The following FANK1 variants were observed in gnomAD, a reference collection of about 807,000 sequenced individuals.
FANK1 encodes fibronectin type 3 and ankyrin repeat domains protein 1.
FANK1 carries 44 observed loss-of-function variants against 45.3 expected under a neutral mutation model. That is an observed-to-expected ratio of 0.97 (90% CI 0.76 to 1.25). The LOEUF (loss-of-function observed/expected upper bound fraction) is 1.25, where lower values mean the gene tolerates loss of function less well. Among genes scored for constraint, FANK1 ranks in the 50% most tolerant of loss-of-function variants. FANK1 has a pLI of 0.00. For synonymous variants in FANK1, 149 were observed against 152.5 expected (o/e 0.98, Z 0.17); for missense variants, 391 against 424.4 (o/e 0.92, Z 0.69).
intron 6 of FANK1, among the ~76,000 whole-genome samples, chr10:125,998,696 AAAG>A (rs1322354794): frequency 3.3e-5 from 5 of 152,218 alleles, no homozygotes; most frequent in Non-Finnish European, 5.9e-5. Context: ...GTAAACATGA[AAAG>A]AAGTTTGTGT....
chr10:126,008,555 G>A lies in FANK1; in HGVS notation c.849+5G>A, dbSNP rs1291800053. ...AATGGAAAGACGCCCCTTATGGTAG[G>A]TCCTCCTCCCGAAAATAGGCAGTTT... On this transcript the variant is annotated splice_donor_5th_base_variant and intron_variant, in intron 8 of 10. Transcript: ENST00000368693. The A allele has an allele frequency of 5.0e-6, 8 of 1,595,092 alleles. No homozygotes were observed. Among genetic ancestry groups the A allele is most frequent in the South Asian group, 1.1e-5 (1 of 87,700 alleles).
intron 2 of FANK1, among the ~76,000 whole-genome samples, chr10:125,981,430 G>A (rs1324071905): frequency 1.3e-5 from 2 of 150,364 alleles, no homozygotes; most frequent in Middle Eastern, 3.4e-3. Context: ...CTGGGAGGTC[G>A]AGGCTGCAGT....
At chr10:125,986,075 C>T (rs1438158589) in intron 2 of FANK1, among the ~76,000 whole-genome samples, 4 of 152,126 alleles carry the variant, frequency 2.6e-5, no homozygotes, top group Non-Finnish European at 5.9e-5. Flanking sequence ...CTAACTCTGG[C>T]AGGGGAGGAA....
At chr10:125,908,035 T>C (rs1945685796) in intron 1 of FANK1, among the ~76,000 whole-genome samples, 1 of 151,534 alleles carries the variant, frequency 6.6e-6, no homozygotes, top group African/African-American at 2.4e-5. Context: ...TCCCTCTTGT[T>C]TCCCAGGCTG....
chr10:125,969,363 A>G (rs957845521), intron 1 of FANK1, among the ~76,000 whole-genome samples: 1 of 151,876 alleles, frequency 6.6e-6, no homozygotes, highest in African/African-American at 2.4e-5. Flanking sequence ...AAAAAAAAAA[A>G]GTACCTTTTG....
intron 1 of FANK1, among the ~76,000 whole-genome samples, chr10:125,903,722 C>A (rs112388161): frequency 1.5e-5 from 2 of 136,952 alleles, no homozygotes; most frequent in African/African-American, 5.6e-5. Context: ...GGCTAGTGCA[C>A]GTACTTTGGT....
intron 1 of FANK1, among the ~76,000 whole-genome samples, chr10:125,927,939 A>G (rs1947479640): frequency 1.3e-5 from 2 of 152,320 alleles, no homozygotes; most frequent in Middle Eastern, 3.4e-3. Context: ...GTGTACGTAC[A>G]GTTTTAGGAG....
At chr10:125,929,266 T>C (rs955839253) in intron 1 of FANK1, among the ~76,000 whole-genome samples, 2 of 152,192 alleles carry the variant, frequency 1.3e-5, no homozygotes, top group African/African-American at 4.8e-5. Flanking sequence ...AAGGCTCTTA[T>C]GCAGAAAAAA....
In FANK1 at chr10:125,997,419, G is replaced by A; in HGVS notation, c.474-1G>A. 1 of 1,613,732 alleles carries A rather than the reference G, an allele frequency of 6.2e-7. No homozygotes were observed. The highest frequency in any genetic ancestry group is 8.5e-7 in the Non-Finnish European group (1 of 1,179,798). On this transcript the variant is annotated splice_acceptor_variant, in intron 5 of 10. Coordinates refer to ENST00000368693, the MANE Select transcript of FANK1 (RefSeq NM_145235.5). LOFTEE classifies it high-confidence loss of function. ...GCTACACTTAAGTTTGTTTCCTTTA[G>A]GCTTGTGAAAATCCTAGTTTCTAAT... is the stretch of plus-strand genomic sequence containing the variant.
rs928797176 is a variant in FANK1, at chr10:125,907,535, C to T, written c.13+10880C>T. ...GGATCTGTGACTTGTTTCTAACTGA[C>T]GTAATATTGCAAATGTGATGGGTTG... is the stretch of plus-strand genomic sequence containing the variant. On this transcript the variant is annotated intron_variant, in intron 1 of 10. Transcript: ENST00000368693. The T allele has an allele frequency of 8.9e-5, 88 of 984,184 alleles. No homozygotes were observed. The African/African-American group carries it at 1.3e-3, about 14-fold the overall frequency. 61.0% of individuals were successfully genotyped at this position (984,184 alleles called of 1,614,324 possible). A position where few individuals can be genotyped will look rare whatever the true frequency, so the allele number is the denominator to read the frequency against.
At chr10:125,977,501 A>G (rs1484410902) in intron 1 of FANK1, among the ~76,000 whole-genome samples, 1 of 151,942 alleles carries the variant, frequency 6.6e-6, no homozygotes, top group African/African-American at 2.4e-5. Context: ...GTGCTCTGAA[A>G]CTGTGTGTTC....
At chr10:125,944,717 G>A (rs1467686597) in intron 1 of FANK1, among the ~76,000 whole-genome samples, 2 of 152,232 alleles carry the variant, frequency 1.3e-5, no homozygotes, top group African/African-American at 4.8e-5. Context: ...GTGCCTTAAG[G>A]ACATGCTCCT....
chr10:125,932,390 G>A lies in FANK1; in HGVS notation c.13+35735G>A, dbSNP rs936035202. ...CTATGATTTATTTCAGAGGTGTTTT[G>A]TAGTTTTACTTGTAGAGGTATTTTG... On this transcript the variant is annotated intron_variant, in intron 1 of 10. Transcript: ENST00000368693. Among the ~76,000 whole-genome samples, 5 of 152,186 alleles carry A rather than the reference G, an allele frequency of 3.3e-5. No individual in the cohort carries two copies. In the East Asian group the frequency reaches 7.7e-4, roughly 23 times the overall value.
At chr10:125,910,040 T>TA (rs112926788) in intron 1 of FANK1, among the ~76,000 whole-genome samples, 3,342 of 148,056 alleles carry the variant, frequency 0.023, 91 homozygotes, top group African/African-American at 0.065. Context: ...AGCACCAAGA[T>TA]AAAAAAAAAA....
intron 1 of FANK1, among the ~76,000 whole-genome samples, chr10:125,911,043 A>AG (rs1945960035): frequency 6.6e-6 from 1 of 151,978 alleles, no homozygotes; most frequent in Non-Finnish European, 1.5e-5. Context: ...TTCCAAAAAA[A>AG]AAAAAAGATG....
chr10:125,986,513 G>A (rs1207504477), intron 2 of FANK1, among the ~76,000 whole-genome samples: 3 of 152,142 alleles, frequency 2.0e-5, no homozygotes, highest in African/African-American at 4.8e-5. Context: ...CAGATTTCAC[G>A]GAGGCACCTC....
chr10:125,954,520 A>C (rs1349484328), intron 1 of FANK1, among the ~76,000 whole-genome samples: 1 of 152,364 alleles, frequency 6.6e-6, no homozygotes, highest in East Asian at 1.9e-4. Context: ...AATAATTTTT[A>C]AATGAAATAA....
intron 1 of FANK1, among the ~76,000 whole-genome samples, chr10:125,910,539 A>G (rs1254050168): frequency 1.3e-5 from 2 of 152,326 alleles, no homozygotes; most frequent in African/African-American, 4.8e-5. Context: ...TGTATACTGC[A>G]TTCCTGTGTC....
At position 125,988,403 on chromosome 10, in the gene FANK1, ATT is replaced by A. The variant is rs1372143197; in HGVS notation, c.192-147_192-146del. ...GGGCGCCATGTGGGACTTGTCCTTC[ATT>A]CTCTCGGAGTTCAGCAAAGCAGGAT... is the stretch of plus-strand genomic sequence containing the variant. On this transcript the variant is annotated intron_variant, in intron 2 of 10. Coordinates refer to ENST00000368693, the MANE Select transcript of FANK1 (RefSeq NM_145235.5). 3.6e-6 allele frequency: 4 copies of A among 1,117,252 alleles called. No individual in the cohort carries two copies. In the East Asian group the frequency reaches 9.5e-5, roughly 27 times the overall value. The allele number at this position is 1,117,252 out of a possible 1,614,324, so 69.2% of individuals were successfully genotyped here.
Sources: gnomAD v4.1 joint callset for allele counts (sites outside exome capture counted in the v4.1 genomes callset) on GRCh38, gnomAD v4.1.1 for gene constraint, MANE v1.5 for transcripts, NCBI Gene and HGNC (gene_info 2026-07-23, HGNC 2026-07-21) for gene names.